The following CASKIN1 variants were observed in gnomAD, a reference collection of about 807,000 sequenced individuals.
CASKIN1 encodes the protein CASK interacting protein 1, also known as caskin-1.
Under a neutral mutation model 117.5 loss-of-function variants are expected in CASKIN1, and 42 were observed. The observed-to-expected ratio is 0.36, with a 90% CI of 0.28 to 0.46. CASKIN1 has a LOEUF of 0.46. CASKIN1 is among the 20% of genes least tolerant of loss of function. The probability of loss-of-function intolerance (pLI) is 1.00; values close to 1 mark genes in which losing one functional copy is unlikely to be tolerated. For synonymous variants in CASKIN1, 1,148 were observed against 961.7 expected, an observed-to-expected ratio of 1.19 and a Z score of -3.59; for missense variants, 2,083 against 2,077.3, an observed-to-expected ratio of 1.00 and a Z score of -0.05.
chr16:2,178,704 C>T (rs2093153883), intron 19 of CASKIN1, 58 bp from the exon 20 acceptor site: 7 of 1,475,848 alleles, frequency 4.7e-6, no homozygotes, highest in Middle Eastern at 2.4e-4. Context: ...CACGCCCACC[C>T]CGACCAGGAC....
rs895837599 is a variant in CASKIN1 at position 2,179,579 on chromosome 16, C to G, written c.3775+14G>C. 5 of 1,434,868 alleles carry G rather than the reference C, an allele frequency of 3.5e-6. No homozygotes were observed. The highest frequency in any genetic ancestry group is 3.0e-5 in the South Asian group (2 of 67,482). The allele number at this position is 1,434,868 out of a possible 1,614,324, so 88.9% of individuals were successfully genotyped here. On this transcript the variant is annotated intron_variant, in intron 18 of 19. Transcript: ENST00000343516. The surrounding 1 kb of genome is among the most constrained non-coding windows in gnomAD (Gnocchi z 5.8). ...GGGTCCTGTTGCCCCTTCACCCCAC[C>G]CTGGCTGGCCTACCTGGGCTGCCAG... is the stretch of plus-strand genomic sequence containing the variant.
chr16:2,186,626 C>A, intron 10 of CASKIN1, 81 bp downstream of exon 10: 1 of 1,287,864 alleles, frequency 7.8e-7, no homozygotes, highest in East Asian at 2.3e-5. Flanking sequence ...TGCTGGGCCC[C>A]CACACCCTCA....
rs771246076 is a variant in CASKIN1, at chr16:2,180,458, G to C, written c.2910C>G (p.Ala970=). 2 of 1,556,552 alleles carry C rather than the reference G, an allele frequency of 1.3e-6. No homozygotes were observed. The highest frequency in any genetic ancestry group is 1.7e-6 in the Non-Finnish European group (2 of 1,158,074). ...ANLADEPVPD[A]EPEDGLLGVR... ...CCCCCAGCAGGCCATCCTCAGGCTC[G>C]GCGTCAGGCACCGGCTCATCCGCCA... is the stretch of plus-strand genomic sequence containing the variant. The change falls in exon 18 of 20, where the codon GCC becomes GCG. Residue 970 remains alanine (A), a synonymous_variant. Transcript: ENST00000343516.
intron 3 of CASKIN1, among the ~76,000 whole-genome samples, 195 bp downstream of exon 3, chr16:2,189,878 T>A (rs2093196221): frequency 6.6e-6 from 1 of 151,142 alleles, no homozygotes; most frequent in African/African-American, 2.4e-5. Context: ...ACCCTGTGGG[T>A]TTGGGGGGTG....
Position 2,180,164 on chromosome 16 carries a change from C to T in CASKIN1, c.3204G>A (p.Gly1068=), listed in dbSNP as rs771511129. The change falls in exon 18 of 20, where the codon GGG becomes GGA. Residue 1068 remains glycine (G), a synonymous_variant. Transcript: ENST00000343516. ...EVVNRRRTLS[G]PVTGLLATAR... is the part of the protein sequence containing the mutation. The stretch of plus-strand genomic sequence containing the variant: ...CAGTGGCCAGAAGTCCGGTGACTGG[C>T]CCGCTGAGCGTGCGGCGCCGGTTCA... 9 of 1,552,918 alleles carry T rather than the reference C, an allele frequency of 5.8e-6. No individual in the cohort carries two copies. In the South Asian group the frequency reaches 7.1e-5, roughly 12 times the overall value.
intron 1 of CASKIN1, among the ~76,000 whole-genome samples, chr16:2,194,905 C>G (rs1382473921): frequency 6.6e-6 from 1 of 152,240 alleles, no homozygotes. Context: ...TGAGCACTTA[C>G]TGAATGCCTG....
chr16:2,192,316 GGA>G (rs536916236), intron 1 of CASKIN1, among the ~76,000 whole-genome samples: 1 of 151,022 alleles, frequency 6.6e-6, no homozygotes, highest in Non-Finnish European at 1.5e-5. Context: ...AAAAAAAAAA[GGA>G]GAGAGAACAT....
Position 2,179,869 on chromosome 16 carries a change from G to T in CASKIN1, c.3499C>A (p.Leu1167Met), listed in dbSNP as rs768135178. 1 of 1,605,144 alleles carries T rather than the reference G, an allele frequency of 6.2e-7. No homozygotes were observed. The highest frequency in any genetic ancestry group is 8.5e-7 in the Non-Finnish European group (1 of 1,176,034). The change falls in exon 18 of 20, where the codon CTG becomes ATG. Residue 1167 changes from leucine to methionine, a missense_variant. Physicochemically the swap from Leu to Met is conservative, Grantham distance 15. Transcript: ENST00000343516. The surrounding 1 kb of genome is among the most constrained non-coding windows in gnomAD (Gnocchi z 5.8). The part of the protein sequence containing the change: ...REAGPEPPPP[L>M]SVYHNGTGTV... Reference sequence around the variant, plus strand: ...CCAGTGCCATTATGGTACACGGACAGTGGCGGTGGTGGCTCAGGCCCGGCC... The same window carrying T: ...CCAGTGCCATTATGGTACACGGACATTGGCGGTGGTGGCTCAGGCCCGGCC...
intron 6 of CASKIN1, among the ~76,000 whole-genome samples, chr16:2,188,195 A>G (rs2093190588): frequency 6.8e-6 from 1 of 147,552 alleles, no homozygotes; most frequent in African/African-American, 2.5e-5. Flanking sequence ...TGCTTTTTTT[A>G]TAAAAAGTAG....
rs1055241257 is a variant in CASKIN1, at chr16:2,177,668, C to G, written c.*882G>C. ...CACACCCTCAGAGGAGCTGCAAGCC[C>G]GTGGCCTGGCCTGCTACATGCCCTG... On this transcript the variant is annotated 3_prime_UTR_variant, in exon 20 of 20. Coordinates refer to ENST00000343516, the MANE Select transcript of CASKIN1 (RefSeq NM_020764.4). 8.3e-6 allele frequency: 2 copies of G among 239,890 alleles called. No individual in the cohort carries two copies. The highest frequency in any genetic ancestry group is 6.1e-5 in the East Asian group (1 of 16,406). 14.9% of individuals were successfully genotyped at this position (239,890 alleles called of 1,614,324 possible).
chr16:2,186,114 G>A (rs2093183687), intron 10 of CASKIN1, among the ~76,000 whole-genome samples: 1 of 152,110 alleles, frequency 6.6e-6, no homozygotes, highest in Admixed American at 6.6e-5. Context: ...TGGGGCCATA[G>A]GCGCACAACA....
At chr16:2,186,634 T>G (rs2093185579) in intron 10 of CASKIN1, 73 bp downstream of exon 10, 9 of 1,365,348 alleles carry the variant, frequency 6.6e-6, no homozygotes, top group Non-Finnish European at 9.3e-6. Context: ...CCCCACACCC[T>G]CAGCACACTC....
chr16:2,190,920 G>A (rs967307587), intron 1 of CASKIN1, among the ~76,000 whole-genome samples: 11 of 152,216 alleles, frequency 7.2e-5, no homozygotes, highest in South Asian at 2.1e-4. Context: ...AGGCGAGTGG[G>A]CTGGCACCTC....
chr16:2,189,226 C>T lies in CASKIN1; in HGVS notation c.486+12G>A. 6.2e-7 allele frequency: 1 copy of T among 1,613,134 alleles called. No individual in the cohort carries two copies. Among genetic ancestry groups the T allele is most frequent in the Non-Finnish European group, 8.5e-7 (1 of 1,179,890 alleles). ...CCCAGCCCCACCCCACAGGGCTCCA[C>T]AGGAGACTCACCCCAACGCGGCCGA... On this transcript the variant is annotated intron_variant, in intron 5 of 19. Coordinates refer to ENST00000343516, the MANE Select transcript of CASKIN1 (RefSeq NM_020764.4).
rs761178879 is a variant in CASKIN1 at position 2,196,388 on chromosome 16, G to A, written c.45C>T (p.Asp15=). The change falls in exon 1 of 20, where the codon GAC becomes GAT. Residue 15 remains aspartate (D), a synonymous_variant. Transcript: ENST00000343516. This position sits in a 1 kb window ranked among gnomAD's most constrained non-coding sequence, Gnocchi z 5.7. ...QELVQAVKAE[D]VGTAQRLLQR... is the part of the protein sequence containing the mutation. ...GCAGCAGCCTCTGCGCGGTCCCTAC[G>A]TCCTCCGCCTTCACCGCCTGCACCA... 3 of 1,373,164 alleles carry A rather than the reference G, an allele frequency of 2.2e-6. No homozygotes were observed. The highest frequency in any genetic ancestry group is 2.9e-6 in the Non-Finnish European group (3 of 1,050,404). 85.1% of individuals were successfully genotyped at this position (1,373,164 alleles called of 1,614,324 possible).
chr16:2,195,284 A>G (rs258291), intron 1 of CASKIN1, among the ~76,000 whole-genome samples: 7 of 151,828 alleles, frequency 4.6e-5, no homozygotes, highest in African/African-American at 7.3e-5. Flanking sequence ...GGTGCCCCCA[A>G]CAATCTCCCA....
chr16:2,195,197 T>C (rs1283471593), intron 1 of CASKIN1, among the ~76,000 whole-genome samples: 1 of 152,170 alleles, frequency 6.6e-6, no homozygotes, highest in Non-Finnish European at 1.5e-5. Flanking sequence ...TCTCTCTTAC[T>C]GCACAGAGTG....
At chr16:2,195,228 G>A (rs1183829753) in intron 1 of CASKIN1, among the ~76,000 whole-genome samples, 1 of 152,194 alleles carries the variant, frequency 6.6e-6, no homozygotes, top group Non-Finnish European at 1.5e-5. Flanking sequence ...AGCCAGTCAT[G>A]GGCTGCTGGT....
In CASKIN1 at chr16:2,181,509, C is replaced by G; in HGVS notation, c.1859G>C (p.Arg620Pro). Reference sequence around the variant, plus strand: ...CACTTCAAGAGACTGGGGCGCCTTCCGGCGCAGGGGGCCCCCCTCATACTT... The same window carrying G: ...CACTTCAAGAGACTGGGGCGCCTTCGGGCGCAGGGGGCCCCCCTCATACTT... Reference protein sequence around the residue: ...YAKYEGGPLRRKAPQSLEVMA... With the variant: ...YAKYEGGPLRPKAPQSLEVMA... The change falls in exon 18 of 20, where the codon CGG (arginine) becomes CCG (proline). Residue 620 changes from arginine to proline, a missense_variant. Coordinates refer to ENST00000343516, the MANE Select transcript of CASKIN1 (RefSeq NM_020764.4). 1.2e-6 allele frequency: 2 copies of G among 1,609,264 alleles called. No homozygotes were observed. Among genetic ancestry groups the G allele is most frequent in the Non-Finnish European group, 8.5e-7 (1 of 1,179,118 alleles).
Sources: allele counts gnomAD v4.1 joint callset (sites outside exome capture counted in the v4.1 genomes callset), GRCh38; gene constraint gnomAD v4.1.1; non-coding constraint Gnocchi (gnomAD v3.1); transcripts MANE v1.5; gene names NCBI Gene and HGNC (gene_info 2026-07-23, HGNC 2026-07-21).